The following CCND3 variants were observed in gnomAD, a reference collection of about 807,000 sequenced individuals.
CCND3 encodes G1/S-specific cyclin-D3.
CCND3 carries 9 observed loss-of-function variants against 28.7 expected under a neutral mutation model. That is an observed-to-expected ratio of 0.31 (90% CI 0.19 to 0.55). The LOEUF (loss-of-function observed/expected upper bound fraction) is 0.55. Ranked by LOEUF, CCND3 falls within the 20% of genes least tolerant of loss-of-function variation. The pLI, the probability that CCND3 is intolerant of heterozygous loss-of-function variation, is 0.93. For missense variants in CCND3, 315 were observed against 385.8 expected (o/e 0.82, Z 1.54); for synonymous variants, 164 against 163.9 (o/e 1.00, Z 0.00).
chr6:42,022,816 G>T (rs976550942), intron 1 of CCND3, among the ~76,000 whole-genome samples: 13 of 152,300 alleles, frequency 8.5e-5, no homozygotes, highest in Middle Eastern at 6.8e-3. Flanking sequence ...GTGCAGCCAG[G>T]GCAGCAACAT....
chr6:41,967,541 G>A (rs1157983248), intron 1 of CCND3, among the ~76,000 whole-genome samples: 1 of 152,156 alleles, frequency 6.6e-6, no homozygotes, highest in Non-Finnish European at 1.5e-5. Context: ...ACAATAACCT[G>A]CACATGAATC....
At chr6:41,945,043 A>G (rs1776135057), upstream of CCND3, among the ~76,000 whole-genome samples, 1 of 152,220 alleles carries the variant, frequency 6.6e-6, no homozygotes, top group Non-Finnish European at 1.5e-5. Context: ...GGAAAACTAA[A>G]GACAAAGCAA....
intron 1 of CCND3, among the ~76,000 whole-genome samples, chr6:41,991,802 A>G (rs1762656742): frequency 6.6e-6 from 1 of 152,000 alleles, no homozygotes; most frequent in African/African-American, 2.4e-5. Flanking sequence ...TCCTTCTATG[A>G]CATCAGCTTT....
rs999307920 is a variant in CCND3 at position 41,941,773 on chromosome 6, C to T, written c.-124G>A. Reference sequence around the variant, plus strand: ...GGCACTGCGCGGCGGATCCCCAGCCCGCCCGCCGCCCGCGCGCGCGCGCCG... The same window carrying T: ...GGCACTGCGCGGCGGATCCCCAGCCTGCCCGCCGCCCGCGCGCGCGCGCCG... On this transcript the variant is annotated 5_prime_UTR_variant, in exon 1 of 5. Coordinates refer to ENST00000372991, the MANE Select transcript of CCND3 (RefSeq NM_001760.5). The surrounding 1 kb of genome is among the most constrained non-coding windows in gnomAD (Gnocchi z 6.1). 6 of 411,280 alleles carry T rather than the reference C, an allele frequency of 1.5e-5. No homozygotes were observed. In the Admixed American group the frequency reaches 6.1e-4, roughly 42 times the overall value. The allele number at this position is 411,280 out of a possible 1,614,324, so 25.5% of individuals were successfully genotyped here. A position where few individuals can be genotyped will look rare whatever the true frequency, so the allele number is the denominator to read the frequency against.
At chr6:41,937,105 T>TG (rs2127390921) in intron 3 of CCND3, 130 bp downstream of exon 3, 1 of 990,042 alleles carries the variant, frequency 1.0e-6, no homozygotes. Flanking sequence ...GCATTGAGAC[T>TG]GGGGGCTCAG....
chr6:41,987,515 CTCTG>C (rs1344138331), intron 1 of CCND3, among the ~76,000 whole-genome samples: 76 of 41,270 alleles, frequency 1.8e-3, no homozygotes, highest in Middle Eastern at 0.015. Flanking sequence ...CTCTCTCTCT[CTCTG>C]TGTGTGTGTG....
rs1775770228 is a variant in CCND3, at chr6:41,935,909, T to A, written c.*31A>T. ...TGGGTGGCAGCGGCCCCTCCTCTGC[T>A]TAGTGGCCACTCCAGAGGGCCTCTC... On this transcript the variant is annotated 3_prime_UTR_variant, in exon 5 of 5. Transcript: ENST00000372991. 1 of 1,586,472 alleles carries A rather than the reference T, an allele frequency of 6.3e-7. No homozygotes were observed. The highest frequency in any genetic ancestry group is 1.3e-5 in the African/African-American group (1 of 74,680).
At chr6:41,983,567 G>C (rs1321560960) in intron 1 of CCND3, among the ~76,000 whole-genome samples, 1 of 151,962 alleles carries the variant, frequency 6.6e-6, no homozygotes, top group Non-Finnish European at 1.5e-5. Flanking sequence ...AGGTGAGGTG[G>C]CTCAAACCTG....
intron 1 of CCND3, among the ~76,000 whole-genome samples, chr6:41,954,276 G>C (rs1230243004): frequency 9.0e-4 from 37 of 41,100 alleles, no homozygotes; most frequent in Non-Finnish European, 1.7e-3. Flanking sequence ...AAAAAAAAAA[G>C]GTGTGGTGGC....
intron 1 of CCND3, among the ~76,000 whole-genome samples, chr6:41,953,401 G>A (rs1236427836): frequency 2.6e-5 from 4 of 152,192 alleles, no homozygotes; most frequent in Middle Eastern, 3.4e-3. Context: ...GCCTGTCAAA[G>A]GGGGATAACA....
At chr6:41,976,357 G>GAA (rs113788088) in intron 1 of CCND3, among the ~76,000 whole-genome samples, 2 of 149,284 alleles carry the variant, frequency 1.3e-5, no homozygotes, top group Non-Finnish European at 3.0e-5. Context: ...GTCAAAAAAA[G>GAA]AAAAAAAAAA....
rs764596308 is a variant in CCND3, at chr6:41,937,327, A to G, written c.482T>C (p.Leu161Pro). The change falls in exon 3 of 5, where the codon CTG (leucine) becomes CCG (proline). Residue 161 changes from leucine to proline, a missense_variant. By Grantham distance (98) the Leu-to-Pro change is moderately conservative (BLOSUM62 -3). Transcript: ENST00000372991. ...AGAGAGCCGGTGCAGAATGAAGGCC[A>G]GGAAATCATGTGCAATCACAGCAGC... ...DLAAVIAHDF[L>P]AFILHRLSLP... The G allele has an allele frequency of 1.2e-6, 2 of 1,614,078 alleles. No homozygotes were observed. The highest frequency in any genetic ancestry group is 2.2e-5 in the South Asian group (2 of 91,090).
chr6:41,990,135 T>C (rs1011408641), intron 1 of CCND3, among the ~76,000 whole-genome samples: 1 of 152,012 alleles, frequency 6.6e-6, no homozygotes, highest in Non-Finnish European at 1.5e-5. Flanking sequence ...CAAAAATCAG[T>C]AGTGTTTCTA....
At position 41,937,259 on chromosome 6, in the gene CCND3, T is replaced by C; in HGVS notation, c.550A>G (p.Thr184Ala). 1.2e-6 allele frequency: 2 copies of C among 1,614,092 alleles called. No homozygotes were observed. Among genetic ancestry groups the C allele is most frequent in the Non-Finnish European group, 1.7e-6 (2 of 1,180,018 alleles). The change falls in exon 3 of 5, where the codon ACC becomes GCC. Residue 184 changes from threonine to alanine, a missense_variant. Coordinates refer to ENST00000372991, the MANE Select transcript of CCND3 (RefSeq NM_001760.5). The stretch of plus-strand genomic sequence containing the variant: ...CCTGTAGCACAGAGGGCCAAAAAGG[T>C]CTGGGCATGCTTTTTGACCAAGGCC... ...RQALVKKHAQ[T>A]FLALCATDYT...
intron 1 of CCND3, among the ~76,000 whole-genome samples, chr6:41,989,496 A>G (rs1388862655): frequency 2.0e-5 from 3 of 151,694 alleles, no homozygotes; most frequent in Non-Finnish European, 4.4e-5. Context: ...AGAAAACAAC[A>G]ATCTGATTAC....
At chr6:41,988,989 T>G (rs927921193) in intron 1 of CCND3, among the ~76,000 whole-genome samples, 6 of 151,668 alleles carry the variant, frequency 4.0e-5, no homozygotes, top group African/African-American at 7.3e-5. Flanking sequence ...GTGAGCCACC[T>G]CGCCCGGCCG....
In CCND3 at chr6:41,934,985, T is replaced by A. The variant is rs1358456579; in HGVS notation, c.*955A>T. 4.3e-6 allele frequency: 1 copy of A among 232,072 alleles called. No individual in the cohort carries two copies. The highest frequency in any genetic ancestry group is 8.5e-6 in the Non-Finnish European group (1 of 117,294). The allele number at this position is 232,072 out of a possible 1,614,324, so 14.4% of individuals were successfully genotyped here. A position where few individuals can be genotyped will look rare whatever the true frequency, so the allele number is the denominator to read the frequency against. The stretch of plus-strand genomic sequence containing the variant: ...CACAATCATCTTTATTACAGTAGGA[T>A]GATGGTCCTGGGCCACCAGCCTAAA... On this transcript the variant is annotated 3_prime_UTR_variant, in exon 5 of 5. Transcript: ENST00000372991.
chr6:41,959,666 G>A (rs947034244), intron 1 of CCND3, among the ~76,000 whole-genome samples: 9 of 114,138 alleles, frequency 7.9e-5, no homozygotes, highest in African/African-American at 3.1e-4. Context: ...CCAGCCTGGC[G>A]ACACAGCAAG....
chr6:41,975,611 C>T (rs905189626), intron 1 of CCND3, among the ~76,000 whole-genome samples: 2 of 151,982 alleles, frequency 1.3e-5, no homozygotes, highest in African/African-American at 4.8e-5. Flanking sequence ...CCCAAGGGGA[C>T]TTACTTGGTG....
Sources: allele counts gnomAD v4.1 joint callset (sites outside exome capture counted in the v4.1 genomes callset), GRCh38; gene constraint gnomAD v4.1.1; non-coding constraint Gnocchi (gnomAD v3.1); transcripts MANE v1.5; gene names NCBI Gene and HGNC (gene_info 2026-07-23, HGNC 2026-07-21).